The following NAALADL2 variants were observed in gnomAD, a reference collection of about 807,000 sequenced individuals.
NAALADL2 encodes inactive N-acetylated-alpha-linked acidic dipeptidase-like protein 2.
NAALADL2 carries 76 observed loss-of-function variants against 87.2 expected under a neutral mutation model. The ratio of observed to expected loss-of-function variants is 0.87; its 90% CI spans 0.72 to 1.05. The LOEUF (loss-of-function observed/expected upper bound fraction) is 1.05, where lower values mean the gene tolerates loss of function less well. Among genes scored for constraint, NAALADL2 ranks in the 50% least tolerant of loss-of-function variants. The pLI, the probability that NAALADL2 is intolerant of heterozygous loss-of-function variation, is 0.00. For missense variants in NAALADL2, 1,089 were observed against 945.8 expected (o/e 1.15, Z -1.99); for synonymous variants, 354 against 331.0 (o/e 1.07, Z -0.75).
chr3:174,921,751 G>C (rs1000682364), intron 1 of NAALADL2, among the ~76,000 whole-genome samples: 1 of 142,280 alleles, frequency 7.0e-6, no homozygotes, highest in Non-Finnish European at 1.5e-5. Context: ...CTTGCAGTAA[G>C]CCGAGATTGT....
intron 5 of NAALADL2, among the ~76,000 whole-genome samples, chr3:175,423,535 C>A (rs1017079415): frequency 1.3e-5 from 2 of 150,856 alleles, no homozygotes; most frequent in East Asian, 2.0e-4. Context: ...TTTGTCCTTG[C>A]GATAGTTTAC....
chr3:174,766,734 T>G (rs988622695), intron 3 of NAALADL2, among the ~76,000 whole-genome samples: 2 of 152,310 alleles, frequency 1.3e-5, no homozygotes, highest in Middle Eastern at 3.4e-3. Flanking sequence ...TAACAAATAT[T>G]TATTGAGTAA....
rs1727319355 is a variant in NAALADL2 at position 175,128,573 on chromosome 3, G to A, written c.545+31282G>A. 2.6e-5 allele frequency among the ~76,000 whole-genome samples: 4 copies of A among 152,096 alleles called. 1 individual carries two copies. Reference sequence around the variant, plus strand: ...GAGAAGATTGGAAAAATGTCCTGCTGTATTGTTTCAGTTCATTTGAAAATT... The same window carrying A: ...GAGAAGATTGGAAAAATGTCCTGCTATATTGTTTCAGTTCATTTGAAAATT... On this transcript the variant is annotated intron_variant, in intron 2 of 13. Coordinates refer to ENST00000454872, the MANE Select transcript of NAALADL2 (RefSeq NM_207015.3).
chr3:174,604,875 T>G (rs1291541655), intron 2 of NAALADL2, among the ~76,000 whole-genome samples: 4 of 151,962 alleles, frequency 2.6e-5, no homozygotes, highest in Non-Finnish European at 4.4e-5. Flanking sequence ...TTCAAGTGAT[T>G]CTCTTGCCTC....
intron 3 of NAALADL2, among the ~76,000 whole-genome samples, chr3:174,808,989 C>T (rs1352242094): frequency 2.0e-5 from 3 of 152,054 alleles, no homozygotes; most frequent in African/African-American, 4.8e-5. Flanking sequence ...TATAGAACCA[C>T]AGAATTCTGT....
intron 9 of NAALADL2, among the ~76,000 whole-genome samples, chr3:175,559,484 A>G (rs112143061): frequency 1.2e-3 from 185 of 152,162 alleles, no homozygotes; most frequent in African/African-American, 4.3e-3. Context: ...ATGTTGAAAA[A>G]CAATGCTGAA....
intron 2 of NAALADL2, among the ~76,000 whole-genome samples, chr3:175,133,671 A>C (rs1453307178): frequency 2.6e-5 from 4 of 152,172 alleles, no homozygotes; most frequent in African/African-American, 9.7e-5. Context: ...AGATGGCAGC[A>C]GTACAGTCCA....
chr3:175,433,273 A>C (rs1350316788), intron 5 of NAALADL2, among the ~76,000 whole-genome samples: 5 of 152,088 alleles, frequency 3.3e-5, no homozygotes, highest in Admixed American at 2.6e-4. Flanking sequence ...GTGTTGACTA[A>C]GAATGACACA....
intron 8 of NAALADL2, among the ~76,000 whole-genome samples, chr3:175,468,795 C>T (rs1724459562): frequency 6.6e-6 from 1 of 151,982 alleles, no homozygotes; most frequent in Non-Finnish European, 1.5e-5. Context: ...TTTAGTTGAG[C>T]ATCAAGCATC....
chr3:175,482,752 T>C (rs1268895556), intron 9 of NAALADL2, among the ~76,000 whole-genome samples: 5 of 151,876 alleles, frequency 3.3e-5, no homozygotes, highest in Non-Finnish European at 7.4e-5. Flanking sequence ...ATTAATACTC[T>C]ATCTGGATAA....
At chr3:174,734,898 G>A (rs1300108515) in intron 2 of NAALADL2, among the ~76,000 whole-genome samples, 1 of 152,112 alleles carries the variant, frequency 6.6e-6, no homozygotes, top group Non-Finnish European at 1.5e-5. Flanking sequence ...TAAGGAAGAT[G>A]GAAGATATTG....
chr3:175,315,737 C>T (rs1220397334), intron 4 of NAALADL2, among the ~76,000 whole-genome samples: 4 of 152,116 alleles, frequency 2.6e-5, no homozygotes, highest in Non-Finnish European at 5.9e-5. Context: ...TTTATTTACT[C>T]AGAAGAATTT....
At chr3:174,647,051 AGAT>A (rs1723867659) in intron 2 of NAALADL2, among the ~76,000 whole-genome samples, 1 of 152,126 alleles carries the variant, frequency 6.6e-6, no homozygotes, top group Admixed American at 6.6e-5. Flanking sequence ...TATAATTTAC[AGAT>A]GATCACTTTT....
chr3:174,726,779 A>C (rs962950324), intron 2 of NAALADL2, among the ~76,000 whole-genome samples: 5 of 152,110 alleles, frequency 3.3e-5, no homozygotes, highest in East Asian at 1.9e-4. Flanking sequence ...TTCACTGCTT[A>C]AGGCATGGTG....
intron 2 of NAALADL2, among the ~76,000 whole-genome samples, chr3:174,572,011 G>A (rs886121111): frequency 1.2e-4 from 19 of 152,240 alleles, no homozygotes; most frequent in South Asian, 4.1e-4. Flanking sequence ...TTATGATACC[G>A]CAGGTAGAAT....
chr3:175,202,435 T>C (rs1560158069), intron 2 of NAALADL2, among the ~76,000 whole-genome samples: 2 of 152,114 alleles, frequency 1.3e-5, no homozygotes, highest in South Asian at 4.1e-4. Flanking sequence ...AAGGAGTGGG[T>C]TCAAGAATGC....
At chr3:175,181,959 T>A (rs1736623999) in intron 2 of NAALADL2, among the ~76,000 whole-genome samples, 1 of 151,542 alleles carries the variant, frequency 6.6e-6, no homozygotes, top group African/African-American at 2.4e-5. Context: ...ATTTTTAACT[T>A]TTTGAGGGAT....
At chr3:175,007,369 G>C (rs1749174127) in intron 1 of NAALADL2, among the ~76,000 whole-genome samples, 1 of 152,126 alleles carries the variant, frequency 6.6e-6, no homozygotes, top group Admixed American at 6.5e-5. Context: ...ATGTGAGGCT[G>C]ACTTAGGTAG....
intron 1 of NAALADL2, among the ~76,000 whole-genome samples, chr3:174,997,756 G>T (rs1464372612): frequency 2.0e-5 from 3 of 152,022 alleles, no homozygotes; most frequent in Admixed American, 2.0e-4. Context: ...AGAGGAGGTT[G>T]CAGTGAGCCA....
Sources: allele counts gnomAD v4.1 joint callset (sites outside exome capture counted in the v4.1 genomes callset), GRCh38; gene constraint gnomAD v4.1.1; transcripts MANE v1.5; gene names NCBI Gene and HGNC (gene_info 2026-07-23, HGNC 2026-07-21).